The following CCDC82 variants were observed in gnomAD, a reference collection of about 807,000 sequenced individuals.
CCDC82 encodes coiled-coil domain containing 82, also known as coiled-coil domain-containing protein 82.
In CCDC82, 47 loss-of-function variants were observed where a neutral mutation model predicts 60.6. That is an observed-to-expected ratio of 0.77 (90% CI 0.61 to 0.99). The LOEUF (loss-of-function observed/expected upper bound fraction) is 0.99, where lower values mean the gene tolerates loss of function less well. CCDC82 is among the 50% of genes least tolerant of loss of function. CCDC82 has a pLI of 0.00. For missense variants in CCDC82, 588 were observed against 633.0 expected (o/e 0.93, Z 0.76); for synonymous variants, 212 against 207.4 (o/e 1.02, Z -0.19).
intron 8 of CCDC82, among the ~76,000 whole-genome samples, chr11:96,362,951 CA>C (rs1346765499): frequency 1.3e-5 from 2 of 151,482 alleles, no homozygotes; most frequent in African/African-American, 4.8e-5. Flanking sequence ...GGGTTAAGCA[CA>C]ATTTCTTTTT....
intron 9 of CCDC82, chr11:96,356,494 C>T (rs1013220045): frequency 1.0e-6 from 1 of 985,294 alleles, no homozygotes; most frequent in Non-Finnish European, 1.2e-6. Flanking sequence ...ATGCATCCAC[C>T]AGCCAATCCC....
intron 8 of CCDC82, chr11:96,359,427 G>A: frequency 2.9e-6 from 1 of 339,770 alleles, no homozygotes; most frequent in Non-Finnish European, 5.2e-6. Flanking sequence ...ACAGTTTTGA[G>A]AGAAAGACAA....
At position 96,384,693 on chromosome 11, in the gene CCDC82, C is replaced by T. The variant is rs1349178954; in HGVS notation, c.55G>A (p.Glu19Lys). ...TRRNSKSHVPEQKSRVDWRRT... is the reference protein window; with the variant it reads ...TRRNSKSHVPKQKSRVDWRRT... ...CTCCAATCAACTCGAGATTTCTGCT[C>T]AGGCACGTGACTCTTAGAATTTCTC... The change falls in exon 4 of 10, where the codon GAG becomes AAG. Residue 19 changes from glutamate to lysine, a missense_variant. Coordinates refer to ENST00000646818, the MANE Select transcript of CCDC82 (RefSeq NM_024725.4). The T allele has an allele frequency of 3.7e-6, 6 of 1,612,766 alleles. No individual in the cohort carries two copies. The highest frequency in any genetic ancestry group is 3.4e-6 in the Non-Finnish European group (4 of 1,179,450).
At chr11:96,363,004 C>T (rs1447094850) in intron 8 of CCDC82, 1 of 151,656 alleles carries the variant, frequency 6.6e-6, no homozygotes, top group Non-Finnish European at 1.5e-5. Context: ...TCGCTGTCGC[C>T]CAGGCTGGAG....
intron 5 of CCDC82, among the ~76,000 whole-genome samples, chr11:96,373,719 G>T (rs1301587128): frequency 1.3e-5 from 2 of 151,968 alleles, no homozygotes; most frequent in East Asian, 3.9e-4. Context: ...TAAGAAAACT[G>T]TTCAGAGAAT....
chr11:96,357,099 T>G (rs1344366255), intron 9 of CCDC82: 1 of 985,210 alleles, frequency 1.0e-6, no homozygotes, highest in East Asian at 1.1e-4. Context: ...GTACATGCAG[T>G]GCTATCACTC....
At chr11:96,374,278 T>A (rs1303901422) in intron 5 of CCDC82, among the ~76,000 whole-genome samples, 1 of 152,174 alleles carries the variant, frequency 6.6e-6, no homozygotes, top group Non-Finnish European at 1.5e-5. Context: ...TGACAAGGGA[T>A]TAAAGCAAAA....
intron 8 of CCDC82, chr11:96,364,213 G>T (rs1864826695): frequency 6.6e-6 from 1 of 151,952 alleles, no homozygotes; most frequent in Non-Finnish European, 1.5e-5. Context: ...AAACAATGGG[G>T]AAATTTGCAT....
intron 8 of CCDC82, 132 bp downstream of exon 8, chr11:96,364,848 G>A (rs1442727435): frequency 1.5e-6 from 1 of 684,588 alleles, no homozygotes; most frequent in African/African-American, 1.9e-5. Flanking sequence ...ATTTACTTGT[G>A]GGTTGCCAAT....
intron 9 of CCDC82, chr11:96,354,905 T>C (rs956331380): frequency 6.6e-5 from 10 of 152,314 alleles, no homozygotes; most frequent in Middle Eastern, 3.4e-3. Flanking sequence ...TTTGTGGTGA[T>C]AGGGACCTAC....
intron 5 of CCDC82, among the ~76,000 whole-genome samples, chr11:96,379,575 A>C (rs1294659416): frequency 1.3e-5 from 2 of 151,852 alleles, no homozygotes; most frequent in Non-Finnish European, 3.0e-5. Flanking sequence ...AAGTAGGGGC[A>C]CCCACATGGC....
At position 96,384,122 on chromosome 11, in the gene CCDC82, C is replaced by G. The variant is rs199813886; in HGVS notation, c.626G>C (p.Arg209Pro). The G allele has an allele frequency of 1.2e-6, 2 of 1,613,728 alleles. No individual in the cohort carries two copies. The highest frequency in any genetic ancestry group is 1.7e-6 in the Non-Finnish European group (2 of 1,179,742). ...DILVRKVGVK[R>P]PRRVVEDEGS... The stretch of plus-strand genomic sequence containing the variant: ...TTCATCTTCAACCACTCTACGGGGA[C>G]GTTTAACACCTACTTTTCTAACTAG... The change falls in exon 4 of 10, where the codon CGT becomes CCT. Residue 209 changes from arginine (R) to proline (P), a missense_variant. By Grantham distance (103) the Arg-to-Pro change is moderately radical. Coordinates refer to ENST00000646818, the MANE Select transcript of CCDC82 (RefSeq NM_024725.4).
At chr11:96,357,925 A>C in intron 9 of CCDC82, 1 of 985,468 alleles carries the variant, frequency 1.0e-6, no homozygotes, top group Non-Finnish European at 1.2e-6. Context: ...GAAAGACTTA[A>C]GGATCAAGAT....
Position 96,384,582 on chromosome 11 carries a change from C to G in CCDC82, c.166G>C (p.Asp56His). 3 of 1,613,526 alleles carry G rather than the reference C, an allele frequency of 1.9e-6. No homozygotes were observed. Among genetic ancestry groups the G allele is most frequent in the Middle Eastern group, 1.7e-4 (1 of 6,060 alleles). ...TCATTTTCAAAACTTTCATCACTAT[C>G]AAGCTCTTCATCACTATCAAATTCT... is the stretch of plus-strand genomic sequence containing the variant. The part of the protein sequence containing the change: ...SEEFDSDEEL[D>H]SDESFENDEE... Residue 56 changes from aspartate to histidine, a missense_variant, in exon 4 of 10, where the codon GAT (aspartate) becomes CAT (histidine). By Grantham distance (81) the Asp-to-His change is moderately conservative. Transcript: ENST00000646818.
intron 7 of CCDC82, among the ~76,000 whole-genome samples, chr11:96,368,797 C>T (rs543827494): frequency 7.5e-4 from 113 of 150,492 alleles, no homozygotes; most frequent in African/African-American, 2.2e-3. Flanking sequence ...ACCCAGAAGG[C>T]GGAGCTTGCA....
At chr11:96,356,419 G>A in intron 9 of CCDC82, 1 of 984,180 alleles carries the variant, frequency 1.0e-6, no homozygotes, top group Non-Finnish European at 1.2e-6. Flanking sequence ...TTTACACACA[G>A]TATTTACAGT....
At chr11:96,384,784 A>C in intron 3 of CCDC82, 23 bp from the exon 4 acceptor site, 2 of 1,446,042 alleles carry the variant, frequency 1.4e-6, no homozygotes, top group Non-Finnish European at 1.9e-6. Flanking sequence ...GTTGTTAGGA[A>C]TATAACAGTG....
At chr11:96,365,937 T>C (rs1306033185) in intron 7 of CCDC82, among the ~76,000 whole-genome samples, 1 of 152,258 alleles carries the variant, frequency 6.6e-6, no homozygotes, top group Non-Finnish European at 1.5e-5. Flanking sequence ...ACCAGACGGA[T>C]GGTAATTAAG....
chr11:96,373,111 G>A (rs982735389), intron 6 of CCDC82, among the ~76,000 whole-genome samples: 3 of 152,164 alleles, frequency 2.0e-5, no homozygotes, highest in African/African-American at 7.2e-5. Context: ...TGTTTTAGGT[G>A]TTATCCTGTC....
Sources: allele counts gnomAD v4.1 joint callset (sites outside exome capture counted in the v4.1 genomes callset), GRCh38; gene constraint gnomAD v4.1.1; transcripts MANE v1.5; gene names NCBI Gene and HGNC (gene_info 2026-07-23, HGNC 2026-07-21).